Variants in CTNNA3 observed in about 807,000 individuals in gnomAD.
CTNNA3 encodes catenin alpha 3, also known as catenin alpha-3.
A neutral mutation model predicts 95.7 loss-of-function variants in CTNNA3; 76 were observed. The ratio of observed to expected loss-of-function variants is 0.79; its 90% CI spans 0.66 to 0.96. The LOEUF is 0.96. CTNNA3 is among the 40% of genes least tolerant of loss of function. The pLI is 0.00. For synonymous variants in CTNNA3, 431 were observed against 374.4 expected (o/e 1.15, Z -1.74); for missense variants, 1,191 against 1,089.8 (o/e 1.09, Z -1.31).
intron 9 of CTNNA3, among the ~76,000 whole-genome samples, chr10:66,678,454 A>G (rs796399031): frequency 3.3e-5 from 5 of 152,322 alleles, no homozygotes; most frequent in African/African-American, 1.2e-4. Context: ...ACACATGCAC[A>G]CATGCATACA....
At chr10:66,473,081 T>C (rs146658323) in intron 11 of CTNNA3, among the ~76,000 whole-genome samples, 1 of 152,182 alleles carries the variant, frequency 6.6e-6, no homozygotes, top group Non-Finnish European at 1.5e-5. Context: ...GCTGCTTTGA[T>C]ACACATATAT....
chr10:66,101,939 A>G (rs1192234421), intron 14 of CTNNA3, among the ~76,000 whole-genome samples: 1 of 152,194 alleles, frequency 6.6e-6, no homozygotes, highest in Non-Finnish European at 1.5e-5. Flanking sequence ...CAAGCCATAG[A>G]TTACAATAGA....
chr10:66,410,028 T>A (rs2132591896), intron 11 of CTNNA3, among the ~76,000 whole-genome samples: 1 of 152,298 alleles, frequency 6.6e-6, no homozygotes, highest in South Asian at 2.1e-4. Context: ...TTATTCTGAT[T>A]AAGTAATCTG....
chr10:66,088,482 GTT>G (rs914242706), intron 14 of CTNNA3, among the ~76,000 whole-genome samples: 7 of 128,142 alleles, frequency 5.5e-5, no homozygotes, highest in Admixed American at 3.6e-4. Context: ...ATAGGTAGGT[GTT>G]TTGTGTGTGT....
intron 17 of CTNNA3, among the ~76,000 whole-genome samples, chr10:65,955,005 C>T (rs552642159): frequency 6.6e-6 from 1 of 152,242 alleles, no homozygotes; most frequent in African/African-American, 2.4e-5. Flanking sequence ...AATATTGATT[C>T]TTCCTATCCA....
intron 13 of CTNNA3, among the ~76,000 whole-genome samples, chr10:66,130,393 A>G (rs1423408208): frequency 1.3e-5 from 2 of 152,078 alleles, no homozygotes; most frequent in Non-Finnish European, 2.9e-5. Flanking sequence ...GAGACACGAA[A>G]AACCATTCAA....
At chr10:67,742,364 A>G (rs1311160793) in intron 1 of CTNNA3, among the ~76,000 whole-genome samples, 1 of 151,254 alleles carries the variant, frequency 6.6e-6, no homozygotes, top group Non-Finnish European at 1.5e-5. Flanking sequence ...AAACCACTCA[A>G]CTACATGGAA....
intron 5 of CTNNA3, among the ~76,000 whole-genome samples, chr10:67,405,309 G>A (rs577347557): frequency 1.3e-5 from 2 of 152,098 alleles, no homozygotes; most frequent in African/African-American, 4.8e-5. Flanking sequence ...CATCTCACAC[G>A]CAAAAACATA....
chr10:67,412,629 G>A (rs1465235305), intron 5 of CTNNA3, among the ~76,000 whole-genome samples: 2 of 152,058 alleles, frequency 1.3e-5, no homozygotes, highest in African/African-American at 4.8e-5. Context: ...CACCTACAGA[G>A]GGAATCCCAC....
rs144620040 is a variant in CTNNA3 at position 67,355,497 on chromosome 10, G to A, written c.580-135627C>T. On this transcript the variant is annotated intron_variant, in intron 5 of 17. Transcript: ENST00000433211. Reference sequence around the variant, plus strand: ...GGAATTTATGATTACACAAATAATTGATGATTGATAATAATTGGTGGCTAT... The same window carrying A: ...GGAATTTATGATTACACAAATAATTAATGATTGATAATAATTGGTGGCTAT... Among the ~76,000 whole-genome samples the A allele has an allele frequency of 8.1e-3, 1,226 of 151,896 alleles. 8 individuals are homozygous for A. Among genetic ancestry groups the A allele is most frequent in the Non-Finnish European group, 0.013 (904 of 67,892 alleles).
chr10:67,727,534 T>G (rs1429139975), intron 1 of CTNNA3, among the ~76,000 whole-genome samples: 1 of 130,024 alleles, frequency 7.7e-6, no homozygotes, highest in Non-Finnish European at 1.6e-5. Flanking sequence ...TTATGTAACA[T>G]ATTATATATA....
rs566748699 is a variant in CTNNA3, at chr10:66,307,276, G to T, written c.1733-26655C>A. On this transcript the variant is annotated intron_variant, in intron 12 of 17. Coordinates refer to ENST00000433211, the MANE Select transcript of CTNNA3 (RefSeq NM_013266.4). ...CATGTTGAAGTCTGCACTCTTTAAT[G>T]ATGTAAAATAAAAATTATTAAGAAC... Among the ~76,000 whole-genome samples the T allele has an allele frequency of 2.0e-3, 301 of 152,168 alleles. 2 individuals are homozygous for T. The highest frequency in any genetic ancestry group is 7.0e-3 in the African/African-American group (289 of 41,530).
chr10:66,303,115 G>A (rs982394141), intron 12 of CTNNA3, among the ~76,000 whole-genome samples: 2 of 152,076 alleles, frequency 1.3e-5, no homozygotes, highest in Non-Finnish European at 2.9e-5. Context: ...AATGTAAAAT[G>A]TTACAAGCCT....
rs139185102 is a variant in CTNNA3 at position 67,346,933 on chromosome 10, A to T, written c.580-127063T>A. 9.9e-5 allele frequency among the ~76,000 whole-genome samples: 15 copies of T among 152,222 alleles called. No individual in the cohort carries two copies. The East Asian group carries it at 2.7e-3, about 27-fold the overall frequency. On this transcript the variant is annotated intron_variant, in intron 5 of 17. Coordinates refer to ENST00000433211, the MANE Select transcript of CTNNA3 (RefSeq NM_013266.4). ...GCTGCCTGCCTCCAAGGGACCACAG[A>T]GGCATTCTATTTCCTGCAGTCCTCC...
At chr10:67,707,117 T>A (rs1027632622) in intron 1 of CTNNA3, among the ~76,000 whole-genome samples, 8 of 152,136 alleles carry the variant, frequency 5.3e-5, no homozygotes, top group African/African-American at 1.9e-4. Flanking sequence ...TTTCTCTAGC[T>A]CTCCTACCCT....
chr10:67,441,830 A>G (rs1342281590), intron 5 of CTNNA3, among the ~76,000 whole-genome samples: 1 of 152,158 alleles, frequency 6.6e-6, no homozygotes, highest in Non-Finnish European at 1.5e-5. Context: ...AAAGAAAAGG[A>G]TATTCATTAT....
At chr10:66,082,340 T>C (rs2080797760) in intron 14 of CTNNA3, among the ~76,000 whole-genome samples, 1 of 152,064 alleles carries the variant, frequency 6.6e-6, no homozygotes, top group South Asian at 2.1e-4. Flanking sequence ...CAAAAATGCA[T>C]AACCTTAAAA....
intron 7 of CTNNA3, among the ~76,000 whole-genome samples, chr10:66,921,881 C>A (rs1846807341): frequency 6.6e-6 from 1 of 152,168 alleles, no homozygotes. Context: ...GTGTCTGGAA[C>A]AGTGTTTAGC....
intron 5 of CTNNA3, among the ~76,000 whole-genome samples, chr10:67,416,833 A>C (rs1446833964): frequency 6.6e-6 from 1 of 152,182 alleles, no homozygotes; most frequent in Non-Finnish European, 1.5e-5. Context: ...GGAAATGCTT[A>C]TACTCTGCTG....
Sources: gnomAD v4.1 joint callset for allele counts (sites outside exome capture counted in the v4.1 genomes callset) on GRCh38, gnomAD v4.1.1 for gene constraint, MANE v1.5 for transcripts, NCBI Gene and HGNC (gene_info 2026-07-23, HGNC 2026-07-21) for gene names.